ANKRD11: variants seen among roughly 807,000 people sequenced by gnomAD.
ANKRD11 encodes ankyrin repeat domain-containing protein 11.
Under a neutral mutation model 195.7 loss-of-function variants are expected in ANKRD11, and 17 were observed. The observed-to-expected ratio is 0.09, with a 90% CI of 0.06 to 0.13. The LOEUF (loss-of-function observed/expected upper bound fraction) is 0.13, where lower values mean the gene tolerates loss of function less well. Ranked by LOEUF, ANKRD11 falls within the 10% of genes least tolerant of loss-of-function variation. ANKRD11 has a pLI of 1.00. For missense variants in ANKRD11, 3,735 were observed against 3,566.1 expected, an observed-to-expected ratio of 1.05 and a Z score of -1.21; for synonymous variants, 1,953 against 1,528.1, an observed-to-expected ratio of 1.28 and a Z score of -6.49.
Position 89,267,710 on chromosome 16 carries a change from T to C in ANKRD11, c.*768A>G, listed in dbSNP as rs997562240. 23 of 152,378 alleles carry C rather than the reference T, an allele frequency of 1.5e-4. No individual in the cohort carries two copies. Among genetic ancestry groups the C allele is most frequent in the Non-Finnish European group, 7.3e-5 (5 of 68,074 alleles). 9.4% of individuals were successfully genotyped at this position (152,378 alleles called of 1,614,324 possible). ...TAAGTTATTTACAACTGTGCAGTAA[T>C]GTGTTGCAAAATAAATTATCTAGAA... On this transcript the variant is annotated 3_prime_UTR_variant, in exon 13 of 13. Transcript: ENST00000301030.
chr16:89,287,025 G>A, intron 7 of ANKRD11: 12 of 1,289,556 alleles, frequency 9.3e-6, no homozygotes, highest in Non-Finnish European at 1.2e-5. Flanking sequence ...TTTCTATGGT[G>A]ACTACACAAA....
rs143945601 is a variant in ANKRD11 at position 89,396,125 on chromosome 16, G to C, written c.-60+22159C>G. 5.2e-3 allele frequency: 789 copies of C among 152,336 alleles called. 5 individuals are homozygous for C. Among genetic ancestry groups the C allele is most frequent in the African/African-American group, 0.018 (766 of 41,556 alleles). The allele number at this position is 152,336 out of a possible 1,614,324, so 9.4% of individuals were successfully genotyped here. On this transcript the variant is annotated intron_variant, in intron 2 of 12. Transcript: ENST00000301030. ...AACACCTCAACAACTTGTTGTCAAT[G>C]TGAAAATTCAAGCTTTCAAAGATAA...
intron 1 of ANKRD11, among the ~76,000 whole-genome samples, chr16:89,445,082 G>C (rs1022083010): frequency 3.3e-5 from 5 of 152,222 alleles, no homozygotes; most frequent in Non-Finnish European, 5.9e-5. Flanking sequence ...CCTTGGGTGA[G>C]GGTGCCCAGG....
chr16:89,280,476 A>AGGAGAGGCGGGAGGGGCG lies in ANKRD11; in HGVS notation c.6048_6065dup (p.Pro2019_Pro2024dup). On this transcript the variant is annotated inframe_insertion, in exon 9 of 13. Transcript: ENST00000301030. ...CAGCGACGGGCAGAGCGTACGGGGC[A>AGGAGAGGCGGGAGGGGCG]GGAGAGGCGGGAGGGGCGGGGTACG... 6.2e-7 allele frequency: 1 copy of AGGAGAGGCGGGAGGGGCG among 1,603,112 alleles called. No individual in the cohort carries two copies. Among genetic ancestry groups the AGGAGAGGCGGGAGGGGCG allele is most frequent in the Middle Eastern group, 1.7e-4 (1 of 5,722 alleles).
chr16:89,289,237 C>T (rs926384480), intron 6 of ANKRD11, among the ~76,000 whole-genome samples: 29 of 151,774 alleles, frequency 1.9e-4, no homozygotes, highest in African/African-American at 6.5e-4. Flanking sequence ...CTCGGCCCCA[C>T]GGAAGCACAC....
chr16:89,338,424 T>TAA lies in ANKRD11; in HGVS notation c.-59-21348_-59-21347dup, dbSNP rs397854933. On this transcript the variant is annotated intron_variant, in intron 2 of 12. Coordinates refer to ENST00000301030, the MANE Select transcript of ANKRD11 (RefSeq NM_013275.6). ...ATCCTGTACTTAACATACACTCTGTTAAAAAAAAAAAAAAAAAAAAGGACC... is the reference window on the plus strand; with the variant it reads ...ATCCTGTACTTAACATACACTCTGTTAAAAAAAAAAAAAAAAAAAAAAGGACC... Among the ~76,000 whole-genome samples, 1,072 of 126,992 alleles carry TAA rather than the reference T, an allele frequency of 8.4e-3. 17 individuals carry two copies. The highest frequency in any genetic ancestry group is 0.03 in the African/African-American group (995 of 33,588). 83.3% of individuals were successfully genotyped at this position (126,992 alleles called of 152,430 possible). A position where few individuals can be genotyped will look rare whatever the true frequency, so the allele number is the denominator to read the frequency against.
chr16:89,444,171 C>A (rs1211891197), intron 1 of ANKRD11, among the ~76,000 whole-genome samples: 2 of 151,992 alleles, frequency 1.3e-5, no homozygotes, highest in African/African-American at 4.8e-5. Flanking sequence ...AGACTCAAAA[C>A]AGGTAGATAC....
chr16:89,352,060 A>G (rs905891196), intron 2 of ANKRD11, among the ~76,000 whole-genome samples: 1 of 152,144 alleles, frequency 6.6e-6, no homozygotes, highest in East Asian at 1.9e-4. Flanking sequence ...CACCAGGCCC[A>G]GGTAATTTGT....
chr16:89,395,212 T>G (rs1597268472), intron 2 of ANKRD11, among the ~76,000 whole-genome samples: 2 of 152,354 alleles, frequency 1.3e-5, no homozygotes, highest in Non-Finnish European at 1.5e-5. Context: ...AGGCAGCGTC[T>G]TAACAGAAAG....
chr16:89,378,718 T>C (rs546996575), intron 2 of ANKRD11, among the ~76,000 whole-genome samples: 6 of 152,360 alleles, frequency 3.9e-5, no homozygotes, highest in African/African-American at 1.4e-4. Context: ...TAGCTGGGAT[T>C]ACAGGTGTGT....
chr16:89,487,907 C>T (rs1169477814), intron 1 of ANKRD11, among the ~76,000 whole-genome samples: 1 of 152,086 alleles, frequency 6.6e-6, no homozygotes, highest in African/African-American at 2.4e-5. Flanking sequence ...GTAATTACCG[C>T]TAACATGGCA....
chr16:89,394,681 T>C (rs1331620107), intron 2 of ANKRD11, among the ~76,000 whole-genome samples: 2 of 151,316 alleles, frequency 1.3e-5, no homozygotes, highest in East Asian at 1.9e-4. Flanking sequence ...TATTTTCCAC[T>C]CCTCGTCTCA....
intron 3 of ANKRD11, among the ~76,000 whole-genome samples, chr16:89,314,169 G>C (rs570243320): frequency 6.6e-6 from 1 of 152,204 alleles, no homozygotes; most frequent in Admixed American, 6.5e-5. Flanking sequence ...GGCAGGGTGG[G>C]GGGTTATGGA....
intron 1 of ANKRD11, among the ~76,000 whole-genome samples, chr16:89,469,483 G>A (rs996703422): frequency 9.9e-5 from 15 of 151,972 alleles, no homozygotes; most frequent in African/African-American, 3.6e-4. Flanking sequence ...TTGGCCTCCC[G>A]AAGTGCTAGA....
chr16:89,360,971 C>G (rs1441012770), intron 2 of ANKRD11, among the ~76,000 whole-genome samples: 1 of 152,158 alleles, frequency 6.6e-6, no homozygotes, highest in Non-Finnish European at 1.5e-5. Flanking sequence ...GTGAGAGGCT[C>G]CTTGTCTCTC....
intron 1 of ANKRD11, among the ~76,000 whole-genome samples, chr16:89,462,798 A>G (rs1389672629): frequency 1.5e-5 from 2 of 133,332 alleles, no homozygotes; most frequent in African/African-American, 5.8e-5. Flanking sequence ...CCCGGCAACC[A>G]CCCCGTCTGA....
intron 2 of ANKRD11, among the ~76,000 whole-genome samples, chr16:89,414,895 C>T (rs1388760472): frequency 1.3e-5 from 2 of 152,324 alleles, no homozygotes; most frequent in East Asian, 1.9e-4. Flanking sequence ...AAGTGAAACA[C>T]GGGAATGACA....
intron 2 of ANKRD11, among the ~76,000 whole-genome samples, chr16:89,329,850 C>G (rs1216640157): frequency 6.6e-6 from 1 of 151,942 alleles, no homozygotes; most frequent in African/African-American, 2.4e-5. Flanking sequence ...ACTGAAAATA[C>G]AAAAAATTAG....
intron 1 of ANKRD11, among the ~76,000 whole-genome samples, chr16:89,457,122 G>A (rs998510865): frequency 2.0e-5 from 3 of 150,438 alleles, no homozygotes; most frequent in East Asian, 2.0e-4. Flanking sequence ...ACTACGCCCG[G>A]CTAATTTTTT....
Sources: gnomAD v4.1 joint callset for allele counts (sites outside exome capture counted in the v4.1 genomes callset) on GRCh38, gnomAD v4.1.1 for gene constraint, MANE v1.5 for transcripts, NCBI Gene and HGNC (gene_info 2026-07-23, HGNC 2026-07-21) for gene names.